The following LGALS2 variants were observed in gnomAD, a reference collection of about 807,000 sequenced individuals.
The protein encoded by LGALS2 is galectin-2.
In LGALS2, 7 loss-of-function variants were observed where a neutral mutation model predicts 10.1. The observed-to-expected ratio is 0.70, with a 90% CI of 0.40 to 1.31. The LOEUF is 1.31. Ranked by LOEUF, LGALS2 falls within the 50% of genes most tolerant of loss-of-function variation. LGALS2 has a pLI of 0.01. For missense variants in LGALS2, 167 were observed against 163.6 expected, an observed-to-expected ratio of 1.02 and a Z score of -0.11; for synonymous variants, 86 against 64.2, an observed-to-expected ratio of 1.34 and a Z score of -1.63.
At chr22:37,576,307 C>T (rs1191876080) in intron 1 of LGALS2, among the ~76,000 whole-genome samples, 1 of 151,804 alleles carries the variant, frequency 6.6e-6, no homozygotes, top group Non-Finnish European at 1.5e-5. Flanking sequence ...AAAAAATTAG[C>T]CGGGCGTGGT....
intron 1 of LGALS2, among the ~76,000 whole-genome samples, chr22:37,575,982 C>T (rs1198807705): frequency 1.3e-5 from 2 of 152,178 alleles, no homozygotes; most frequent in Non-Finnish European, 2.9e-5. Flanking sequence ...GTGACACCCT[C>T]CCCTGAGCGG....
chr22:37,577,146 G>A (rs79101909), intron 1 of LGALS2, among the ~76,000 whole-genome samples: 3,558 of 152,188 alleles, frequency 0.023, 43 homozygotes, highest in East Asian at 0.035. Flanking sequence ...TGGAGAGAGA[G>A]GAAAGAAAAG....
At chr22:37,572,111 T>G (rs1463272457) in intron 1 of LGALS2, among the ~76,000 whole-genome samples, 180 bp from the exon 2 acceptor site, 5 of 152,146 alleles carry the variant, frequency 3.3e-5, no homozygotes. Context: ...GATCAAGGCC[T>G]CCCAGAGCTT....
intron 2 of LGALS2, among the ~76,000 whole-genome samples, chr22:37,571,180 G>T (rs1430705405): frequency 6.6e-6 from 1 of 152,152 alleles, no homozygotes; most frequent in African/African-American, 2.4e-5. Context: ...TCTGGGTCAT[G>T]GGGTGTCTTC....
At chr22:37,576,612 C>T (rs947461292) in intron 1 of LGALS2, among the ~76,000 whole-genome samples, 8 of 152,182 alleles carry the variant, frequency 5.3e-5, no homozygotes, top group Admixed American at 1.3e-4. Context: ...GTGCCCTGCG[C>T]ACACACACGT....
Position 37,571,900 on chromosome 22 carries a change from T to C in LGALS2, c.38A>G (p.Lys13Arg), listed in dbSNP as rs757223661. The C allele has an allele frequency of 3.5e-5, 57 of 1,614,152 alleles. No homozygotes were observed. The highest frequency in any genetic ancestry group is 4.8e-5 in the Non-Finnish European group (57 of 1,180,008). The change falls in exon 2 of 4, where the codon AAG (lysine) becomes AGG (arginine). Residue 13 changes from lysine to arginine, a missense_variant. Physicochemically the swap from Lys to Arg is conservative, Grantham distance 26. Transcript: ENST00000215886. ...GELEVKNMDM[K>R]PGSTLKITGS... ...TGTGATCTTCAGGGTTGACCCCGGC[T>C]TCATGTCCATGTTCTTAACCTCAAG...
At chr22:37,574,880 T>A (rs1163067278) in intron 1 of LGALS2, among the ~76,000 whole-genome samples, 1 of 151,252 alleles carries the variant, frequency 6.6e-6, no homozygotes, top group Non-Finnish European at 1.5e-5. Context: ...TAAGTTCTTT[T>A]TTTTTTTTTT....
chr22:37,570,648 T>C lies in LGALS2; in HGVS notation c.177A>G (p.Ser59=). ...RFSESTIVCN[S]LDGSNWGQEQ... Reference sequence around the variant, plus strand: ...CTTGCCCCCAGTTGCTGCCGTCCAATGAGTTGCAGACAATGGTGGATTCGC... The same window carrying C: ...CTTGCCCCCAGTTGCTGCCGTCCAACGAGTTGCAGACAATGGTGGATTCGC... Residue 59 remains serine (S), a synonymous_variant, in exon 3 of 4, where the codon TCA becomes TCG. Coordinates refer to ENST00000215886, the MANE Select transcript of LGALS2 (RefSeq NM_006498.3). 2 of 1,614,230 alleles carry C rather than the reference T, an allele frequency of 1.2e-6. No individual in the cohort carries two copies. Among genetic ancestry groups the C allele is most frequent in the South Asian group, 1.1e-5 (1 of 91,092 alleles).
At chr22:37,572,011 A>C in intron 1 of LGALS2, 80 bp from the exon 2 acceptor site, 2 of 1,149,898 alleles carry the variant, frequency 1.7e-6, no homozygotes, top group Non-Finnish European at 2.6e-6. Flanking sequence ...CATCCACCTC[A>C]TGCCAACCCA....
chr22:37,579,910 ACAGCTCCTGGCGG>A lies in LGALS2; in HGVS notation c.-18_-6del. 6.2e-7 allele frequency: 1 copy of A among 1,611,362 alleles called. No homozygotes were observed. Among genetic ancestry groups the A allele is most frequent in the Non-Finnish European group, 8.5e-7 (1 of 1,179,306 alleles). On this transcript the variant is annotated 5_prime_UTR_variant, in exon 1 of 4. Transcript: ENST00000215886. ...GGCTAGTGTCCTCACCGTCATGGTG[ACAGCTCCTGGCGG>A]CAGCTCCCAGCGGCTCCTGGAGGCC...
chr22:37,579,901 G>C lies in LGALS2; in HGVS notation c.5C>G (p.Thr2Arg). 6.2e-7 allele frequency: 1 copy of C among 1,610,678 alleles called. No individual in the cohort carries two copies. Among genetic ancestry groups the C allele is most frequent in the Non-Finnish European group, 8.5e-7 (1 of 1,179,008 alleles). Reference protein sequence around the residue: MTGELEVKNMDM... With the variant: MRGELEVKNMDM... ...GCAGCAGGGGGCTAGTGTCCTCACC[G>C]TCATGGTGACAGCTCCTGGCGGCAG... Residue 2 changes from threonine (T) to arginine (R), a missense_variant and splice_region_variant, in exon 1 of 4, where the codon ACG (threonine) becomes AGG (arginine). Transcript: ENST00000215886.
At chr22:37,575,007 C>T (rs996995348) in intron 1 of LGALS2, among the ~76,000 whole-genome samples, 10 of 151,026 alleles carry the variant, frequency 6.6e-5, no homozygotes, top group African/African-American at 1.5e-4. Flanking sequence ...CTCAGCCTCC[C>T]GAGTCACTGA....
chr22:37,579,888 T>C lies in LGALS2; in HGVS notation c.6+12A>G. On this transcript the variant is annotated intron_variant, in intron 1 of 3. Transcript: ENST00000215886. ...CAGAGTGGGGCAGGCAGCAGGGGGC[T>C]AGTGTCCTCACCGTCATGGTGACAG... is the stretch of plus-strand genomic sequence containing the variant. The C allele has an allele frequency of 6.2e-7, 1 of 1,609,426 alleles. No homozygotes were observed. Among genetic ancestry groups the C allele is most frequent in the African/African-American group, 1.3e-5 (1 of 75,022 alleles).
chr22:37,577,538 C>T (rs76326766), intron 1 of LGALS2, among the ~76,000 whole-genome samples: 66,619 of 146,384 alleles, frequency 0.46, 15,614 homozygotes, highest in African/African-American at 0.51. Context: ...TCTTCTTCTT[C>T]TTTTTTGTTT....
At chr22:37,571,188 T>A (rs1925487210) in intron 2 of LGALS2, among the ~76,000 whole-genome samples, 1 of 152,134 alleles carries the variant, frequency 6.6e-6, no homozygotes, top group African/African-American at 2.4e-5. Context: ...ATGGGGTGTC[T>A]TCATTTGGGA....
chr22:37,570,346 GA>G lies in LGALS2; in HGVS notation c.315del (p.Asn107ThrfsTer8). 6.2e-7 allele frequency: 1 copy of G among 1,614,120 alleles called. No homozygotes were observed. Among genetic ancestry groups the G allele is most frequent in the South Asian group, 1.1e-5 (1 of 91,086 alleles). ...VKLPDGHELT[F>X]PNRLGHSHLS... ...AGGTGGCTGTGACCCAGCCTGTTGG[GA>G]AAAGTCAGCTCGTGCCCATCTGGCA... On this transcript the variant is annotated frameshift_variant, in exon 4 of 4. Coordinates refer to ENST00000215886, the MANE Select transcript of LGALS2 (RefSeq NM_006498.3). LOFTEE classifies it low-confidence loss of function (END_TRUNC).
chr22:37,575,786 G>A (rs1049421947), intron 1 of LGALS2, among the ~76,000 whole-genome samples: 1 of 152,194 alleles, frequency 6.6e-6, no homozygotes, highest in African/African-American at 2.4e-5. Context: ...ACGCCTGGAG[G>A]AGGCAGCAAT....
chr22:37,570,353 C>A lies in LGALS2; in HGVS notation c.309G>T (p.Leu103=). ...TGTGACCCAGCCTGTTGGGAAAAGT[C>A]AGCTCGTGCCCATCTGGCAGCTTCA... ...FKVKLPDGHE[L]TFPNRLGHSH... is the part of the protein sequence containing the mutation. Residue 103 remains leucine (L), a synonymous_variant, in exon 4 of 4, where the codon CTG becomes CTT. Coordinates refer to ENST00000215886, the MANE Select transcript of LGALS2 (RefSeq NM_006498.3). The A allele has an allele frequency of 6.2e-7, 1 of 1,614,124 alleles. No homozygotes were observed. The highest frequency in any genetic ancestry group is 8.5e-7 in the Non-Finnish European group (1 of 1,179,994).
chr22:37,573,320 G>C (rs544392834), intron 1 of LGALS2, among the ~76,000 whole-genome samples: 1 of 152,046 alleles, frequency 6.6e-6, no homozygotes, highest in Non-Finnish European at 1.5e-5. Context: ...ATAAAACTCC[G>C]CAAGTCCTAT....
Sources: gnomAD v4.1 joint callset for allele counts (sites outside exome capture counted in the v4.1 genomes callset) on GRCh38, gnomAD v4.1.1 for gene constraint, MANE v1.5 for transcripts, NCBI Gene and HGNC (gene_info 2026-07-23, HGNC 2026-07-21) for gene names.